SLIT3: variants seen among roughly 807,000 people sequenced by gnomAD.
SLIT3 encodes the protein slit homolog 3 protein.
A neutral mutation model predicts 184.0 loss-of-function variants in SLIT3; 68 were observed. That is an observed-to-expected ratio of 0.37 (90% confidence interval 0.30 to 0.45). The LOEUF (loss-of-function observed/expected upper bound fraction) is 0.45, where lower values mean the gene tolerates loss of function less well. Ranked by LOEUF, SLIT3 falls within the 20% of genes least tolerant of loss-of-function variation. The pLI is 1.00. For synonymous variants in SLIT3, 831 were observed against 828.6 expected (o/e 1.00, Z -0.05); for missense variants, 1,707 against 2,026.0 (o/e 0.84, Z 3.02).
intron 4 of SLIT3, among the ~76,000 whole-genome samples, chr5:168,915,789 C>T (rs1761415803): frequency 6.6e-6 from 1 of 151,938 alleles, no homozygotes; most frequent in Non-Finnish European, 1.5e-5. Flanking sequence ...TCGTTTTGGA[C>T]AAAAAGAGGC....
chr5:169,140,096 A>G (rs1162953627), intron 4 of SLIT3, among the ~76,000 whole-genome samples: 2 of 151,928 alleles, frequency 1.3e-5, no homozygotes, highest in Non-Finnish European at 2.9e-5. Flanking sequence ...GCAAGAGTCC[A>G]GGGAATACTA....
chr5:169,070,512 T>G (rs1445171633), intron 4 of SLIT3, among the ~76,000 whole-genome samples: 1 of 152,128 alleles, frequency 6.6e-6, no homozygotes, highest in Non-Finnish European at 1.5e-5. Context: ...AAGGCAAACT[T>G]GAACTAATTA....
intron 20 of SLIT3, among the ~76,000 whole-genome samples, chr5:168,745,937 C>T (rs947740227): frequency 3.9e-5 from 6 of 152,186 alleles, no homozygotes; most frequent in South Asian, 2.1e-4. Flanking sequence ...AAGATTATAA[C>T]GCGCTGGAGG....
chr5:168,743,729 C>A (rs13153039), intron 20 of SLIT3, among the ~76,000 whole-genome samples: 6,804 of 152,208 alleles, frequency 0.045, 207 homozygotes, highest in Non-Finnish European at 0.067. Context: ...GACCAAATAG[C>A]CAAATTGTGA....
chr5:169,201,074 C>A (rs1366699736), intron 3 of SLIT3, among the ~76,000 whole-genome samples: 6 of 152,176 alleles, frequency 3.9e-5, no homozygotes, highest in African/African-American at 1.4e-4. Flanking sequence ...TAAGTGTGGA[C>A]CAACCCACAA....
intron 1 of SLIT3, among the ~76,000 whole-genome samples, chr5:169,270,841 T>C (rs1330088241): frequency 6.6e-6 from 1 of 152,216 alleles, no homozygotes; most frequent in African/African-American, 2.4e-5. Flanking sequence ...GAAGTTATTT[T>C]AACTCTCTGT....
chr5:168,841,961 TCTC>T, intron 6 of SLIT3, among the ~76,000 whole-genome samples: 1 of 152,208 alleles, frequency 6.6e-6, no homozygotes. Flanking sequence ...TGTTTTGAAC[TCTC>T]CTCTTTCACT....
intron 4 of SLIT3, among the ~76,000 whole-genome samples, chr5:169,170,133 T>C (rs1762770650): frequency 6.6e-6 from 1 of 152,116 alleles, no homozygotes; most frequent in Non-Finnish European, 1.5e-5. Context: ...GCTATGAAGA[T>C]CAACTGATCA....
intron 4 of SLIT3, among the ~76,000 whole-genome samples, chr5:169,043,376 G>A (rs1295012085): frequency 6.6e-6 from 1 of 152,166 alleles, no homozygotes; most frequent in East Asian, 1.9e-4. Flanking sequence ...TTACCCACAA[G>A]TACACATAAT....
At chr5:169,101,660 T>C (rs1373863332) in intron 4 of SLIT3, among the ~76,000 whole-genome samples, 1 of 152,210 alleles carries the variant, frequency 6.6e-6, no homozygotes, top group Non-Finnish European at 1.5e-5. Context: ...CTCAATAATC[T>C]TGAATCAGTT....
At chr5:168,712,213 T>A (rs1762580744) in intron 24 of SLIT3, 70 bp downstream of exon 24, 3 of 1,343,842 alleles carry the variant, frequency 2.2e-6, no homozygotes, top group African/African-American at 1.4e-5. Context: ...CTGACAGTGA[T>A]GACATTGTCG....
At position 168,698,226 on chromosome 5, in the gene SLIT3, C is replaced by G. The variant is rs539009518; in HGVS notation, c.2943-1795G>C. Among the ~76,000 whole-genome samples the G allele has an allele frequency of 2.6e-5, 4 of 152,154 alleles. No individual in the cohort carries two copies. In the East Asian group the frequency reaches 7.7e-4, roughly 29 times the overall value. On this transcript the variant is annotated intron_variant, in intron 27 of 35. Coordinates refer to ENST00000519560, the MANE Select transcript of SLIT3 (RefSeq NM_003062.4). ...TGTTATGGGTTGAATTGTGTTCCCC[C>G]CAAAAAAGATATGTTGAAGTCCTAA...
chr5:168,769,167 C>T (rs1033940982), intron 14 of SLIT3, among the ~76,000 whole-genome samples: 9 of 152,128 alleles, frequency 5.9e-5, no homozygotes, highest in East Asian at 3.8e-4. Flanking sequence ...ATTATGGGAG[C>T]GAACAGGATG....
chr5:168,686,901 GGCCACCTTAGCCAGTCAGCCCCAGCCCCT>G (rs1299501393), intron 30 of SLIT3, 49 bp downstream of exon 30: 1 of 1,558,308 alleles, frequency 6.4e-7, no homozygotes, highest in African/African-American at 1.4e-5. Flanking sequence ...TCTCCATTCT[GGCCACCTTAGCCAGTCAGCCCCAGCCCCT>G]GCCACCTGGC....
chr5:169,101,020 C>A (rs1474245527), intron 4 of SLIT3, among the ~76,000 whole-genome samples: 1 of 152,158 alleles, frequency 6.6e-6, no homozygotes, highest in Non-Finnish European at 1.5e-5. Flanking sequence ...TCCTGCCTAG[C>A]TGGTTTTGAG....
chr5:168,908,501 G>A (rs1447005236), intron 4 of SLIT3, among the ~76,000 whole-genome samples: 1 of 152,202 alleles, frequency 6.6e-6, no homozygotes, highest in Non-Finnish European at 1.5e-5. Context: ...AATTAATAGT[G>A]TCTCCAATTC....
chr5:168,980,525 T>C (rs1754912098), intron 4 of SLIT3, among the ~76,000 whole-genome samples: 2 of 152,194 alleles, frequency 1.3e-5, no homozygotes, highest in Admixed American at 1.3e-4. Flanking sequence ...AGAGCAAAGA[T>C]TAGGATCAAG....
intron 4 of SLIT3, among the ~76,000 whole-genome samples, chr5:168,968,817 G>A (rs1382401052): frequency 6.6e-6 from 1 of 152,140 alleles, no homozygotes; most frequent in African/African-American, 2.4e-5. Context: ...ACAGACTTAG[G>A]TCTGTCTTAG....
intron 10 of SLIT3, chr5:168,792,344 T>A (rs60000273): frequency 0.14 from 20,924 of 151,278 alleles, 1,651 homozygotes; most frequent in African/African-American, 0.21. Context: ...CACTCCAGAG[T>A]GTCTGATTTG....
Sources: allele counts gnomAD v4.1 joint callset (sites outside exome capture counted in the v4.1 genomes callset), GRCh38; gene constraint gnomAD v4.1.1; transcripts MANE v1.5; gene names NCBI Gene and HGNC (gene_info 2026-07-23, HGNC 2026-07-21).